Variants in TMEM132D observed in about 807,000 individuals in gnomAD.
The protein encoded by TMEM132D is mature OL transmembrane protein.
A neutral mutation model predicts 62.3 loss-of-function variants in TMEM132D; 21 were observed. That is an observed-to-expected ratio of 0.34 (90% CI 0.24 to 0.49). The LOEUF (loss-of-function observed/expected upper bound fraction) is 0.49, where lower values mean the gene tolerates loss of function less well. TMEM132D is among the 20% of genes least tolerant of loss of function. The pLI is 0.99. For missense variants in TMEM132D, 1,346 were observed against 1,402.8 expected, an observed-to-expected ratio of 0.96 and a Z score of 0.65; for synonymous variants, 621 against 575.6, an observed-to-expected ratio of 1.08 and a Z score of -1.13.
chr12:129,168,261 T>G (rs1250514160), intron 5 of TMEM132D, among the ~76,000 whole-genome samples: 1 of 150,200 alleles, frequency 6.7e-6, no homozygotes, highest in African/African-American at 2.5e-5. Flanking sequence ...ATTTTTTTTT[T>G]ACCAACAAGA....
chr12:129,188,148 G>A (rs1006263243), intron 5 of TMEM132D, among the ~76,000 whole-genome samples: 1 of 152,168 alleles, frequency 6.6e-6, no homozygotes, highest in Non-Finnish European at 1.5e-5. Context: ...CCTTGAACGT[G>A]GACATGGAGA....
chr12:129,125,425 C>T (rs1355170417), intron 5 of TMEM132D, among the ~76,000 whole-genome samples: 1 of 152,012 alleles, frequency 6.6e-6, no homozygotes. Context: ...AATTTCCAAC[C>T]CTGTGTAGAC....
chr12:129,565,947 T>A (rs1877355785), intron 2 of TMEM132D, among the ~76,000 whole-genome samples: 1 of 152,214 alleles, frequency 6.6e-6, no homozygotes, highest in African/African-American at 2.4e-5. Context: ...ACATTATTAC[T>A]TTTATTAAAT....
Position 129,842,853 on chromosome 12 carries a change from C to T in TMEM132D, c.79+60408G>A, listed in dbSNP as rs566363931. ...GCAGGACACGGTATCTGCTAAGAGA[C>T]GAGTCATCCTGTTTGCTTTTGTTGT... On this transcript the variant is annotated intron_variant, in intron 1 of 8. Coordinates refer to ENST00000422113, the MANE Select transcript of TMEM132D (RefSeq NM_133448.3). Among the ~76,000 whole-genome samples, 92 of 152,252 alleles carry T rather than the reference C, an allele frequency of 6.0e-4. 1 individual carries two copies. The highest frequency in any genetic ancestry group is 2.0e-3 in the African/African-American group (85 of 41,546).
At chr12:129,196,791 C>A (rs1489648782) in intron 5 of TMEM132D, among the ~76,000 whole-genome samples, 2 of 152,112 alleles carry the variant, frequency 1.3e-5, no homozygotes, top group African/African-American at 4.8e-5. Context: ...TTCATTATGA[C>A]AAAAATTTCC....
chr12:129,611,505 G>A (rs1356924723), intron 2 of TMEM132D, among the ~76,000 whole-genome samples: 6 of 152,150 alleles, frequency 3.9e-5, no homozygotes, highest in Non-Finnish European at 1.5e-5. Flanking sequence ...AAGCTTGGGG[G>A]CCCAAGGCAT....
intron 2 of TMEM132D, among the ~76,000 whole-genome samples, chr12:129,684,296 G>A (rs1336464782): frequency 1.3e-5 from 2 of 152,090 alleles, no homozygotes; most frequent in African/African-American, 4.8e-5. Flanking sequence ...TAGTGATAGT[G>A]AGTGAGTTCT....
At chr12:129,374,957 C>T (rs61945692) in intron 3 of TMEM132D, among the ~76,000 whole-genome samples, 7,075 of 152,146 alleles carry the variant, frequency 0.047, 512 homozygotes, top group East Asian at 0.34. Context: ...ACATCAGAGC[C>T]GTCCCTACCT....
intron 2 of TMEM132D, among the ~76,000 whole-genome samples, chr12:129,639,380 C>CT (rs1229306410): frequency 4.8e-4 from 24 of 50,326 alleles, no homozygotes; most frequent in East Asian, 2.5e-3. Context: ...GAGACTCTGT[C>CT]TTAAAAAAAA....
intron 5 of TMEM132D, among the ~76,000 whole-genome samples, chr12:129,115,894 G>T (rs1301425182): frequency 6.6e-6 from 1 of 152,254 alleles, no homozygotes; most frequent in African/African-American, 2.4e-5. Context: ...GCTGGATACA[G>T]CCTTCTTGAG....
intron 3 of TMEM132D, among the ~76,000 whole-genome samples, chr12:129,450,019 T>C (rs1438474548): frequency 1.3e-5 from 2 of 152,240 alleles, no homozygotes; most frequent in Non-Finnish European, 2.9e-5. Flanking sequence ...ATATGTCTTC[T>C]TTTGAAAAGT....
chr12:129,884,541 T>C (rs969072051), intron 1 of TMEM132D, among the ~76,000 whole-genome samples: 9 of 152,212 alleles, frequency 5.9e-5, no homozygotes, highest in African/African-American at 2.2e-4. Context: ...ATTAGGGGAA[T>C]GCAAATTAAA....
At chr12:129,281,141 G>A (rs907588144) in intron 4 of TMEM132D, among the ~76,000 whole-genome samples, 14 of 151,882 alleles carry the variant, frequency 9.2e-5, no homozygotes, top group Non-Finnish European at 1.3e-4. Flanking sequence ...AATTGTCTTC[G>A]CCATACTCTA....
At chr12:129,458,260 G>C (rs563012207) in intron 3 of TMEM132D, among the ~76,000 whole-genome samples, 1 of 152,282 alleles carries the variant, frequency 6.6e-6, no homozygotes, top group Admixed American at 6.5e-5. Context: ...AATAAAAGGA[G>C]CAAAAGTCTC....
At chr12:129,664,573 C>G (rs983309814) in intron 2 of TMEM132D, among the ~76,000 whole-genome samples, 1 of 151,596 alleles carries the variant, frequency 6.6e-6, no homozygotes, top group Non-Finnish European at 1.5e-5. Flanking sequence ...TACAGGCACC[C>G]GCCACCACGC....
intron 3 of TMEM132D, among the ~76,000 whole-genome samples, chr12:129,369,944 G>T (rs1870542504): frequency 6.6e-6 from 1 of 152,180 alleles, no homozygotes; most frequent in Admixed American, 6.5e-5. Context: ...AGCCAGGTGG[G>T]TCACACAGTG....
chr12:129,316,562 C>T (rs1410941411), intron 4 of TMEM132D, among the ~76,000 whole-genome samples: 1 of 151,988 alleles, frequency 6.6e-6, no homozygotes, highest in East Asian at 1.9e-4. Context: ...TTTTTATGCC[C>T]TATGATATGT....
chr12:129,473,637 T>G (rs1202587893), intron 3 of TMEM132D, among the ~76,000 whole-genome samples: 1 of 152,212 alleles, frequency 6.6e-6, no homozygotes. Context: ...GGCCTGGTTT[T>G]AGTTATTTTT....
At chr12:129,746,603 A>AT (rs1434697471) in intron 1 of TMEM132D, among the ~76,000 whole-genome samples, 1 of 152,122 alleles carries the variant, frequency 6.6e-6, no homozygotes, top group East Asian at 1.9e-4. Context: ...AAGAAATGCT[A>AT]TTTTTTATAC....
Sources: allele counts gnomAD v4.1 joint callset (sites outside exome capture counted in the v4.1 genomes callset), GRCh38; gene constraint gnomAD v4.1.1; transcripts MANE v1.5; gene names NCBI Gene and HGNC (gene_info 2026-07-23, HGNC 2026-07-21).